Variants in GCNT4 observed in about 807,000 individuals in gnomAD.
The protein encoded by GCNT4 is beta-1,3-galactosyl-O-glycosyl-glycoprotein beta-1,6-N-acetylglucosaminyltransferase 4.
Under a neutral mutation model 31.3 loss-of-function variants are expected in GCNT4, and 17 were observed. That is an observed-to-expected ratio of 0.54 (90% confidence interval 0.37 to 0.81). The LOEUF is 0.81. GCNT4 is among the 40% of genes least tolerant of loss of function. The probability of loss-of-function intolerance (pLI) is 0.00; values close to 1 mark genes in which losing one functional copy is unlikely to be tolerated. For synonymous variants in GCNT4, 158 were observed against 190.6 expected (o/e 0.83, Z 1.41); for missense variants, 503 against 525.5 (o/e 0.96, Z 0.42).
At chr5:75,034,146 C>T (rs1743145764) in intron 3 of GCNT4, among the ~76,000 whole-genome samples, 1 of 152,216 alleles carries the variant, frequency 6.6e-6, no homozygotes, top group Admixed American at 6.5e-5. Flanking sequence ...TTGGCCTCTT[C>T]CCAGCTGCGG....
At chr5:75,035,562 T>C (rs1324798297) in intron 3 of GCNT4, among the ~76,000 whole-genome samples, 1 of 152,216 alleles carries the variant, frequency 6.6e-6, no homozygotes, top group Non-Finnish European at 1.5e-5. Context: ...GCCAGTTTTC[T>C]TGTTAAAAAT....
intron 3 of GCNT4, among the ~76,000 whole-genome samples, chr5:75,046,815 T>C (rs138285035): frequency 8.1e-4 from 124 of 152,328 alleles, no homozygotes; most frequent in Middle Eastern, 3.4e-3. Context: ...CACTCTGATA[T>C]TGACTTTTGA....
At chr5:75,038,220 T>A (rs889100414) in intron 3 of GCNT4, among the ~76,000 whole-genome samples, 2 of 152,338 alleles carry the variant, frequency 1.3e-5, no homozygotes, top group Non-Finnish European at 2.9e-5. Flanking sequence ...GAGGTAAACA[T>A]ACTTTTCTAC....
downstream of GCNT4, among the ~76,000 whole-genome samples, chr5:75,021,163 CT>C (rs1742876704): frequency 6.6e-6 from 1 of 152,204 alleles, no homozygotes; most frequent in South Asian, 2.1e-4. Context: ...CGAGGACCCC[CT>C]CTGTCATTGT....
intron 3 of GCNT4, among the ~76,000 whole-genome samples, chr5:75,032,383 C>G (rs1015696206): frequency 6.6e-6 from 1 of 152,198 alleles, no homozygotes; most frequent in Non-Finnish European, 1.5e-5. Context: ...CACTCAGCCT[C>G]CACGAGTCCA....
Position 75,028,736 on chromosome 5 carries a change from G to A in GCNT4, c.1302C>T (p.Asp434=), listed in dbSNP as rs1289874544. ...ACTTTTCTGAGGGCAAAGTGATCCAGTCTCTCTGCTGTTCTTCAAGCTTTT... is the reference window on the plus strand; with the variant it reads ...ACTTTTCTGAGGGCAAAGTGATCCAATCTCTCTGCTGTTCTTCAAGCTTTT... ...LAEKLEEQQR[D]WITLPSEKLF... is the part of the protein sequence containing the mutation. The change falls in exon 4 of 4, where the codon GAC becomes GAT. Residue 434 remains aspartate, a synonymous_variant. Coordinates refer to ENST00000652361, the MANE Select transcript of GCNT4 (RefSeq NM_001366737.1). 5 of 1,613,676 alleles carry A rather than the reference G, an allele frequency of 3.1e-6. No individual in the cohort carries two copies. The highest frequency in any genetic ancestry group is 2.7e-5 in the African/African-American group (2 of 74,898).
At chr5:75,030,992 A>T (rs1743048957) in intron 3 of GCNT4, 1 of 166,290 alleles carries the variant, frequency 6.0e-6, no homozygotes, top group Non-Finnish European at 1.5e-5. Flanking sequence ...TATACTGTGA[A>T]ATAAAAATAA....
chr5:75,037,950 A>T (rs1029952488), intron 3 of GCNT4, among the ~76,000 whole-genome samples: 26 of 58,318 alleles, frequency 4.5e-4, no homozygotes, highest in Admixed American at 3.6e-3. Context: ...ACTTTCATTA[A>T]AAAAAAAAAA....
chr5:75,044,652 T>G (rs992693604), intron 3 of GCNT4, among the ~76,000 whole-genome samples: 1 of 152,014 alleles, frequency 6.6e-6, no homozygotes, highest in Non-Finnish European at 1.5e-5. Flanking sequence ...AAACAAGGAC[T>G]GGGCTTCAGC....
At chr5:75,053,850 A>T (rs1175767495), upstream of GCNT4, among the ~76,000 whole-genome samples, 1 of 152,068 alleles carries the variant, frequency 6.6e-6, no homozygotes, top group East Asian at 1.9e-4. Flanking sequence ...AGCGTCATCC[A>T]CGTTCGGTTC....
chr5:75,032,910 TGTGTGTGTGTGTG>T (rs1253146053), intron 3 of GCNT4, among the ~76,000 whole-genome samples: 1 of 137,432 alleles, frequency 7.3e-6, no homozygotes, highest in African/African-American at 2.8e-5. Flanking sequence ...TGTGTGTGTG[TGTGTGTGTGTGTG>T]ATTAATTCAT....
rs761445432 is a variant in GCNT4 at position 75,026,155 on chromosome 5, G to A, written c.*2521C>T. 2.6e-5 allele frequency: 4 copies of A among 152,236 alleles called. No homozygotes were observed. Among genetic ancestry groups the A allele is most frequent in the South Asian group, 2.1e-4 (1 of 4,814 alleles). 9.4% of individuals were successfully genotyped at this position (152,236 alleles called of 1,614,324 possible). A position where few individuals can be genotyped will look rare whatever the true frequency, so the allele number is the denominator to read the frequency against. ...ATCCTTCCATGTTCCCTTTGAATAC[G>A]GCATTTAAGTGATGAACAACTTTGG... On this transcript the variant is annotated 3_prime_UTR_variant, in exon 4 of 4. Coordinates refer to ENST00000652361, the MANE Select transcript of GCNT4 (RefSeq NM_001366737.1).
At chr5:75,040,941 A>G (rs1743302032) in intron 3 of GCNT4, among the ~76,000 whole-genome samples, 2 of 119,706 alleles carry the variant, frequency 1.7e-5, no homozygotes, top group Non-Finnish European at 3.2e-5. Context: ...GTTAATCTTT[A>G]GAGTTTTTTC....
chr5:75,037,893 C>CA (rs1743233128), intron 3 of GCNT4, among the ~76,000 whole-genome samples: 1 of 130,594 alleles, frequency 7.7e-6, no homozygotes, highest in South Asian at 2.5e-4. Flanking sequence ...AAAAACAAAA[C>CA]AAAAAACAAA....
chr5:75,040,031 G>A (rs971161433), intron 3 of GCNT4, among the ~76,000 whole-genome samples: 2 of 152,048 alleles, frequency 1.3e-5, no homozygotes, highest in South Asian at 4.2e-4. Context: ...AGCAACACCA[G>A]CCTTCTAAAA....
intron 2 of GCNT4, among the ~76,000 whole-genome samples, 167 bp downstream of exon 2, chr5:75,052,002 T>C (rs1025332248): frequency 3.3e-5 from 5 of 152,202 alleles, no homozygotes; most frequent in African/African-American, 1.2e-4. Context: ...ATGCTCTCTA[T>C]AATGATTCAC....
chr5:75,019,419 A>C, the GCNT4 span, among the ~76,000 whole-genome samples: 1 of 152,236 alleles, frequency 6.6e-6, no homozygotes, highest in Non-Finnish European at 1.5e-5. Context: ...TTTGTGGAAT[A>C]AAATATTAAT....
upstream of GCNT4, among the ~76,000 whole-genome samples, chr5:75,053,789 G>C (rs73125255): frequency 0.047 from 7,131 of 152,252 alleles, 309 homozygotes; most frequent in African/African-American, 0.11. Context: ...CCGCGCTTCG[G>C]ACAAAGTTCT....
chr5:75,053,761 G>T (rs1743644894), upstream of GCNT4, among the ~76,000 whole-genome samples: 1 of 152,118 alleles, frequency 6.6e-6, no homozygotes, highest in African/African-American at 2.4e-5. Context: ...TCCCTGCCCT[G>T]CGCTCCCAGT....
Sources: allele counts gnomAD v4.1 joint callset (sites outside exome capture counted in the v4.1 genomes callset), GRCh38; gene constraint gnomAD v4.1.1; transcripts MANE v1.5; gene names NCBI Gene and HGNC (gene_info 2026-07-23, HGNC 2026-07-21).